Variants in KIAA1328 observed in about 807,000 individuals in gnomAD.
KIAA1328 encodes the protein protein hinderin.
KIAA1328 carries 52 observed loss-of-function variants against 68.1 expected under a neutral mutation model. The observed-to-expected ratio is 0.76, with a 90% CI of 0.61 to 0.96. The LOEUF (loss-of-function observed/expected upper bound fraction) is 0.96, where lower values mean the gene tolerates loss of function less well. Ranked by LOEUF, KIAA1328 falls within the 40% of genes least tolerant of loss-of-function variation. The probability of loss-of-function intolerance (pLI) is 0.00; values close to 1 mark genes in which losing one functional copy is unlikely to be tolerated. For synonymous variants in KIAA1328, 232 were observed against 239.4 expected (o/e 0.97, Z 0.28); for missense variants, 641 against 677.6 (o/e 0.95, Z 0.60).
At chr18:36,991,250 G>A (rs2053165834) in intron 6 of KIAA1328, among the ~76,000 whole-genome samples, 1 of 152,010 alleles carries the variant, frequency 6.6e-6, no homozygotes, top group Admixed American at 6.6e-5. Flanking sequence ...TTCTCTTATG[G>A]CTGCATAGTA....
chr18:37,211,140 T>C (rs1429602628), intron 9 of KIAA1328, among the ~76,000 whole-genome samples: 1 of 152,232 alleles, frequency 6.6e-6, no homozygotes, highest in Non-Finnish European at 1.5e-5. Context: ...TAAAATGTAG[T>C]TGGTAACAGT....
At chr18:37,220,833 T>C (rs2060545680) in intron 9 of KIAA1328, among the ~76,000 whole-genome samples, 1 of 152,154 alleles carries the variant, frequency 6.6e-6, no homozygotes, top group African/African-American at 2.4e-5. Context: ...GTTGGTTGGT[T>C]GGTTGGTTTT....
At chr18:36,949,691 T>C (rs1013085386) in intron 5 of KIAA1328, among the ~76,000 whole-genome samples, 4 of 141,498 alleles carry the variant, frequency 2.8e-5, no homozygotes, top group African/African-American at 1.1e-4. Flanking sequence ...AATACTCTAA[T>C]TAGCTATCTT....
chr18:36,884,218 C>G (rs1003172475), intron 4 of KIAA1328, among the ~76,000 whole-genome samples: 40 of 152,192 alleles, frequency 2.6e-4, no homozygotes, highest in African/African-American at 9.2e-4. Flanking sequence ...AACCTGATAA[C>G]AGAGTATAAA....
At chr18:37,006,563 A>G (rs940495216) in intron 6 of KIAA1328, among the ~76,000 whole-genome samples, 10 of 151,912 alleles carry the variant, frequency 6.6e-5, no homozygotes, top group African/African-American at 2.4e-4. Context: ...TCTAGGGTAC[A>G]TGTGCACAAT....
rs1237167481 is a variant in KIAA1328 at position 37,223,895 on chromosome 18, T to C, written c.*1668T>C. On this transcript the variant is annotated 3_prime_UTR_variant, in exon 10 of 10. Coordinates refer to ENST00000280020, the MANE Select transcript of KIAA1328 (RefSeq NM_020776.3). ...TTATATTTTTCTTCTGAAATAAATATAAAGTCAAGACTAACTAGTTATAAT... is the reference window on the plus strand; with the variant it reads ...TTATATTTTTCTTCTGAAATAAATACAAAGTCAAGACTAACTAGTTATAAT... 3.1e-6 allele frequency: 3 copies of C among 981,942 alleles called. No homozygotes were observed. Among genetic ancestry groups the C allele is most frequent in the Non-Finnish European group, 2.4e-6 (2 of 826,890 alleles). 60.8% of individuals were successfully genotyped at this position (981,942 alleles called of 1,614,324 possible).
intron 7 of KIAA1328, among the ~76,000 whole-genome samples, chr18:37,132,170 G>T (rs902177110): frequency 6.6e-6 from 1 of 152,066 alleles, no homozygotes; most frequent in African/African-American, 2.4e-5. Flanking sequence ...CATTTTTGAG[G>T]CCCCTGTGAT....
At chr18:37,083,250 A>G (rs896013814) in intron 7 of KIAA1328, among the ~76,000 whole-genome samples, 8 of 152,232 alleles carry the variant, frequency 5.3e-5, no homozygotes, top group East Asian at 1.9e-4. Context: ...TTACCTACCT[A>G]TGTGTCACCA....
chr18:36,906,586 A>G (rs756717323), intron 5 of KIAA1328, among the ~76,000 whole-genome samples: 2 of 152,038 alleles, frequency 1.3e-5, no homozygotes, highest in Non-Finnish European at 2.9e-5. Flanking sequence ...TTGCTATTCT[A>G]CTTTTATTAA....
chr18:37,092,004 C>T (rs190455939), intron 7 of KIAA1328, among the ~76,000 whole-genome samples: 1 of 152,206 alleles, frequency 6.6e-6, no homozygotes. Flanking sequence ...ACTCGTATGC[C>T]ATCTGAAACC....
Position 37,061,467 on chromosome 18 carries a change from G to A in KIAA1328, c.577-5423G>A, listed in dbSNP as rs114158392. On this transcript the variant is annotated intron_variant, in intron 6 of 9. Coordinates refer to ENST00000280020, the MANE Select transcript of KIAA1328 (RefSeq NM_020776.3). ...CAAGCTGTACACTGAAGATCTTTGC[G>A]TTTTATTGTAAATTACGCCTCAATG... Among the ~76,000 whole-genome samples, 163 of 152,212 alleles carry A rather than the reference G, an allele frequency of 1.1e-3. 2 individuals carry two copies. The highest frequency in any genetic ancestry group is 3.8e-3 in the African/African-American group (156 of 41,536).
chr18:37,014,475 G>T (rs750468170), intron 6 of KIAA1328, among the ~76,000 whole-genome samples: 3 of 152,078 alleles, frequency 2.0e-5, no homozygotes, highest in Non-Finnish European at 4.4e-5. Context: ...GTTTGTTCTC[G>T]CATTGCTGTA....
intron 4 of KIAA1328, among the ~76,000 whole-genome samples, chr18:36,854,169 G>A (rs1455498294): frequency 2.0e-5 from 3 of 152,134 alleles, no homozygotes; most frequent in African/African-American, 4.8e-5. Context: ...GCATGCATAC[G>A]GTGGAAAGAC....
chr18:36,935,262 A>C (rs2050457072), intron 5 of KIAA1328, among the ~76,000 whole-genome samples: 1 of 152,234 alleles, frequency 6.6e-6, no homozygotes, highest in East Asian at 1.9e-4. Flanking sequence ...TCTAGACAGA[A>C]TCTTTTGAGT....
In KIAA1328 at chr18:37,223,514, T is replaced by A. The variant is rs1162574276; in HGVS notation, c.*1287T>A. On this transcript the variant is annotated 3_prime_UTR_variant, in exon 10 of 10. Transcript: ENST00000280020. The stretch of plus-strand genomic sequence containing the variant: ...TCATTGAAAGCAAGGGGAGGGTGTG[T>A]TCCCAGATGTGTATTACTTGGGAAT... 1.0e-5 allele frequency: 10 copies of A among 985,258 alleles called. No individual in the cohort carries two copies. The highest frequency in any genetic ancestry group is 1.1e-5 in the Non-Finnish European group (9 of 829,948). The allele number at this position is 985,258 out of a possible 1,614,324, so 61.0% of individuals were successfully genotyped here. A position where few individuals can be genotyped will look rare whatever the true frequency, so the allele number is the denominator to read the frequency against.
chr18:36,954,163 C>T (rs907161272), intron 5 of KIAA1328, among the ~76,000 whole-genome samples: 4 of 151,744 alleles, frequency 2.6e-5, no homozygotes, highest in Admixed American at 6.6e-5. Flanking sequence ...CCACCGCGCC[C>T]GGCTAATTTT....
intron 7 of KIAA1328, among the ~76,000 whole-genome samples, chr18:37,083,957 A>G (rs1481648336): frequency 2.0e-5 from 3 of 152,124 alleles, no homozygotes; most frequent in African/African-American, 7.2e-5. Flanking sequence ...TATGAAATCA[A>G]TTTGTGTTTG....
In KIAA1328 at chr18:37,190,808, G is replaced by A. The variant is rs188368106; in HGVS notation, c.1523+17727G>A. Among the ~76,000 whole-genome samples the A allele has an allele frequency of 3.3e-5, 5 of 152,290 alleles. No individual in the cohort carries two copies. The East Asian group carries it at 9.7e-4, about 29-fold the overall frequency. On this transcript the variant is annotated intron_variant, in intron 9 of 9. Transcript: ENST00000280020. Reference sequence around the variant, plus strand: ...GCCCAGTGTCAACTATAATGAACCAGGAGACCCTGGCCTCCCCATCGATCT... The same window carrying A: ...GCCCAGTGTCAACTATAATGAACCAAGAGACCCTGGCCTCCCCATCGATCT...
At chr18:36,880,704 G>A (rs534947597) in intron 4 of KIAA1328, among the ~76,000 whole-genome samples, 1 of 152,056 alleles carries the variant, frequency 6.6e-6, no homozygotes, top group South Asian at 2.1e-4. Flanking sequence ...TATGTTAACT[G>A]TAGGATTTTT....
Sources: gnomAD v4.1 joint callset for allele counts (sites outside exome capture counted in the v4.1 genomes callset) on GRCh38, gnomAD v4.1.1 for gene constraint, MANE v1.5 for transcripts, NCBI Gene and HGNC (gene_info 2026-07-23, HGNC 2026-07-21) for gene names.